The following SYNDIG1L variants were observed in gnomAD, a reference collection of about 807,000 sequenced individuals.
The protein encoded by SYNDIG1L is synapse differentiation-inducing gene protein 1-like.
SYNDIG1L carries 13 observed loss-of-function variants against 20.1 expected under a neutral mutation model. The ratio of observed to expected loss-of-function variants is 0.65; its 90% CI spans 0.42 to 1.03. The LOEUF is 1.03. Among genes scored for constraint, SYNDIG1L ranks in the 50% least tolerant of loss-of-function variants. SYNDIG1L has a pLI of 0.00. For missense variants in SYNDIG1L, 294 were observed against 305.1 expected, an observed-to-expected ratio of 0.96 and a Z score of 0.27; for synonymous variants, 128 against 129.3, an observed-to-expected ratio of 0.99 and a Z score of 0.07.
the SYNDIG1L span, among the ~76,000 whole-genome samples, chr14:74,475,480 A>C: frequency 8.1e-6 from 1 of 123,414 alleles, no homozygotes; most frequent in Non-Finnish European, 1.7e-5. Context: ...TCTGTAAACA[A>C]CTACTGCTTC....
At chr14:74,410,933 G>A (rs1208138835) in intron 1 of SYNDIG1L, among the ~76,000 whole-genome samples, 3 of 152,162 alleles carry the variant, frequency 2.0e-5, no homozygotes, top group African/African-American at 7.2e-5. Flanking sequence ...GAAGTATGGA[G>A]ACACTCAGGG....
chr14:74,450,445 A>T, the SYNDIG1L span, among the ~76,000 whole-genome samples: 1 of 152,230 alleles, frequency 6.6e-6, no homozygotes, highest in Non-Finnish European at 1.5e-5. Flanking sequence ...ATAAAGTTTT[A>T]GCAAGTTGAA....
At position 74,407,322 on chromosome 14, in the gene SYNDIG1L, G is replaced by A; in HGVS notation, c.*213C>T. ...TCCCGTCTGTAGCCTGGGTTAGAGA[G>A]TGGCGCCCCGGGCCCTGCTCTGGGG... On this transcript the variant is annotated 3_prime_UTR_variant, in exon 4 of 4. Transcript: ENST00000331628. 6 of 671,336 alleles carry A rather than the reference G, an allele frequency of 8.9e-6. No homozygotes were observed. The highest frequency in any genetic ancestry group is 1.2e-5 in the Non-Finnish European group (5 of 403,704). 41.6% of individuals were successfully genotyped at this position (671,336 alleles called of 1,614,324 possible).
chr14:74,439,120 A>G, the SYNDIG1L span, among the ~76,000 whole-genome samples: 1 of 151,724 alleles, frequency 6.6e-6, no homozygotes, highest in Non-Finnish European at 1.5e-5. Context: ...GTCTCAAAAA[A>G]AAAAAAAAAA....
the SYNDIG1L span, among the ~76,000 whole-genome samples, chr14:74,460,641 A>G: frequency 2.0e-5 from 3 of 151,914 alleles, no homozygotes; most frequent in Admixed American, 1.3e-4. Flanking sequence ...GCCTGGGCCC[A>G]TGTTCCATTT....
At chr14:74,479,979 G>A in the SYNDIG1L span, 1 of 1,364,046 alleles carries the variant, frequency 7.3e-7, no homozygotes, top group Admixed American at 3.0e-5. Flanking sequence ...TTATTCAAGA[G>A]TAAATTTCCA....
At chr14:74,430,671 T>C (rs1051033542), upstream of SYNDIG1L, among the ~76,000 whole-genome samples, 1 of 152,152 alleles carries the variant, frequency 6.6e-6, no homozygotes, top group African/African-American at 2.4e-5. Context: ...CTGACCTCAA[T>C]TGATCCACCC....
At chr14:74,421,043 A>T (rs1450360523) in intron 1 of SYNDIG1L, among the ~76,000 whole-genome samples, 2 of 152,238 alleles carry the variant, frequency 1.3e-5, no homozygotes, top group Non-Finnish European at 2.9e-5. Context: ...GAAGGATTAA[A>T]TAAACAAATA....
the SYNDIG1L span, among the ~76,000 whole-genome samples, chr14:74,475,261 G>A: frequency 3.1e-3 from 476 of 151,344 alleles, 3 homozygotes; most frequent in African/African-American, 0.011. Flanking sequence ...CTTATTATGC[G>A]TCAGGTACTG....
intron 1 of SYNDIG1L, among the ~76,000 whole-genome samples, chr14:74,425,502 G>C (rs954693980): frequency 6.6e-6 from 1 of 152,212 alleles, no homozygotes; most frequent in African/African-American, 2.4e-5. Context: ...CAGTCACCTG[G>C]GTGAACAGGT....
chr14:74,456,733 G>A, the SYNDIG1L span, among the ~76,000 whole-genome samples: 1 of 152,042 alleles, frequency 6.6e-6, no homozygotes, highest in Non-Finnish European at 1.5e-5. Context: ...CACTGTCCAG[G>A]AGCCTGGTGT....
intron 1 of SYNDIG1L, among the ~76,000 whole-genome samples, chr14:74,424,434 G>A (rs1017859622): frequency 1.3e-5 from 2 of 152,094 alleles, no homozygotes; most frequent in Non-Finnish European, 2.9e-5. Flanking sequence ...TGTTGGGGAG[G>A]GGGTCATGAA....
At chr14:74,424,228 T>C (rs1219526405) in intron 1 of SYNDIG1L, among the ~76,000 whole-genome samples, 1 of 152,208 alleles carries the variant, frequency 6.6e-6, no homozygotes, top group East Asian at 1.9e-4. Flanking sequence ...TTAACTCATC[T>C]AGCCCAACTC....
At chr14:74,438,794 G>T in the SYNDIG1L span, among the ~76,000 whole-genome samples, 1 of 152,090 alleles carries the variant, frequency 6.6e-6, no homozygotes, top group East Asian at 1.9e-4. Flanking sequence ...TACCTGCCAC[G>T]TTCTGTACAA....
the SYNDIG1L span, among the ~76,000 whole-genome samples, chr14:74,447,684 T>G: frequency 1.3e-5 from 2 of 151,992 alleles, no homozygotes; most frequent in African/African-American, 4.8e-5. Context: ...ATTGATAAAT[T>G]AAGCTGGCAA....
At chr14:74,457,565 C>T in the SYNDIG1L span, among the ~76,000 whole-genome samples, 1 of 151,644 alleles carries the variant, frequency 6.6e-6, no homozygotes, top group Non-Finnish European at 1.5e-5. Context: ...CTCTGGCTGT[C>T]TTCAGCTTGG....
Position 74,409,546 on chromosome 14 carries a change from AGGCCTCCAC to A in SYNDIG1L, c.190_198del (p.Val64_Ala66del). 1.3e-6 allele frequency: 2 copies of A among 1,555,782 alleles called. No individual in the cohort carries two copies. Among genetic ancestry groups the A allele is most frequent in the Non-Finnish European group, 1.7e-6 (2 of 1,151,848 alleles). ...CCCAGGAGGCAGCTGGGCCGGTACC[AGGCCTCCAC>A]GGCCAGCTGCAGGGACCCTGGGTCC... On this transcript the variant is annotated inframe_deletion, in exon 2 of 4. Coordinates refer to ENST00000331628, the MANE Select transcript of SYNDIG1L (RefSeq NM_001105579.2).
the SYNDIG1L span, among the ~76,000 whole-genome samples, chr14:74,450,822 G>A: frequency 1.3e-5 from 2 of 151,986 alleles, no homozygotes; most frequent in Non-Finnish European, 2.9e-5. Flanking sequence ...ATTTAAACGG[G>A]CAAAATATTT....
the SYNDIG1L span, among the ~76,000 whole-genome samples, chr14:74,458,282 A>T: frequency 6.6e-6 from 1 of 152,090 alleles, no homozygotes; most frequent in Non-Finnish European, 1.5e-5. Context: ...CAAGTTTGTG[A>T]ATGTGCTTTG....
Sources: allele counts gnomAD v4.1 joint callset (sites outside exome capture counted in the v4.1 genomes callset), GRCh38; gene constraint gnomAD v4.1.1; transcripts MANE v1.5; gene names NCBI Gene and HGNC (gene_info 2026-07-23, HGNC 2026-07-21).